Variants in DOCK4 observed in about 807,000 individuals in gnomAD.
The protein encoded by DOCK4 is dedicator of cytokinesis 4, also known as dedicator of cytokinesis protein 4.
A neutral mutation model predicts 268.1 loss-of-function variants in DOCK4; 97 were observed. That is an observed-to-expected ratio of 0.36 (90% CI 0.31 to 0.43). The LOEUF (loss-of-function observed/expected upper bound fraction) is 0.43, where lower values mean the gene tolerates loss of function less well. DOCK4 is among the 20% of genes least tolerant of loss of function. The probability of loss-of-function intolerance (pLI) is 1.00; values close to 1 mark genes in which losing one functional copy is unlikely to be tolerated. For synonymous variants in DOCK4, 954 were observed against 887.2 expected, an observed-to-expected ratio of 1.08 and a Z score of -1.34; for missense variants, 2,145 against 2,455.7, an observed-to-expected ratio of 0.87 and a Z score of 2.67.
intron 1 of DOCK4, among the ~76,000 whole-genome samples, chr7:112,150,031 A>G (rs1202491984): frequency 6.6e-6 from 1 of 152,220 alleles, no homozygotes; most frequent in East Asian, 1.9e-4. Context: ...CACTTTGTGG[A>G]AAGTCTTATT....
At chr7:111,914,128 C>G (rs1562879953) in intron 13 of DOCK4, among the ~76,000 whole-genome samples, 1 of 152,240 alleles carries the variant, frequency 6.6e-6, no homozygotes, top group East Asian at 1.9e-4. Flanking sequence ...GCTCTCCATG[C>G]TGCATTCTCC....
At chr7:112,164,083 G>A (rs1239436110) in intron 1 of DOCK4, among the ~76,000 whole-genome samples, 2 of 152,098 alleles carry the variant, frequency 1.3e-5, no homozygotes, top group African/African-American at 4.8e-5. Flanking sequence ...AGGAGTTCAA[G>A]ACCAGCCTGG....
chr7:112,131,819 T>C (rs1283894846), intron 1 of DOCK4, among the ~76,000 whole-genome samples: 3 of 151,946 alleles, frequency 2.0e-5, no homozygotes, highest in Non-Finnish European at 4.4e-5. Context: ...AAGCACAAAG[T>C]GGGGTTGTAA....
At chr7:111,933,445 C>A (rs1794438013) in intron 12 of DOCK4, among the ~76,000 whole-genome samples, 1 of 151,364 alleles carries the variant, frequency 6.6e-6, no homozygotes, top group African/African-American at 2.4e-5. Context: ...CAGGCACGCG[C>A]CACCAGGCCC....
chr7:112,055,440 G>A (rs1805726531), intron 1 of DOCK4, among the ~76,000 whole-genome samples: 1 of 152,062 alleles, frequency 6.6e-6, no homozygotes, highest in African/African-American at 2.4e-5. Context: ...GAAAGAAAGG[G>A]GAATACCTGG....
At chr7:111,828,970 C>T (rs1324936303) in intron 26 of DOCK4, among the ~76,000 whole-genome samples, 1 of 151,190 alleles carries the variant, frequency 6.6e-6, no homozygotes, top group African/African-American at 2.4e-5. Context: ...CAGCAGCTAC[C>T]TCTGGGGATT....
At chr7:112,015,447 A>G (rs1231890238) in intron 1 of DOCK4, among the ~76,000 whole-genome samples, 1 of 152,162 alleles carries the variant, frequency 6.6e-6, no homozygotes, top group South Asian at 2.1e-4. Flanking sequence ...TCTATGGAGT[A>G]GCCATTCTTT....
At chr7:112,171,793 A>T (rs1818107598) in intron 1 of DOCK4, among the ~76,000 whole-genome samples, 1 of 152,218 alleles carries the variant, frequency 6.6e-6, no homozygotes, top group East Asian at 1.9e-4. Flanking sequence ...GCCATAACAA[A>T]ATACCAGACT....
At chr7:112,137,730 G>A (rs1284747745) in intron 1 of DOCK4, among the ~76,000 whole-genome samples, 1 of 152,138 alleles carries the variant, frequency 6.6e-6, no homozygotes, top group African/African-American at 2.4e-5. Context: ...GTCCTCAAAA[G>A]TAGAGATACC....
intron 10 of DOCK4, 61 bp from the exon 11 acceptor site, chr7:111,940,303 A>G: frequency 6.2e-7 from 1 of 1,606,172 alleles, no homozygotes; most frequent in South Asian, 1.1e-5. Context: ...CATCTTAGGT[A>G]GCGAAACATA....
At chr7:111,795,919 T>A (rs1006401463) in intron 30 of DOCK4, among the ~76,000 whole-genome samples, 5 of 152,178 alleles carry the variant, frequency 3.3e-5, no homozygotes, top group East Asian at 1.9e-4. Flanking sequence ...GGGCTTTGTA[T>A]CAACTTCTCA....
chr7:111,930,377 C>T (rs1271274317), intron 12 of DOCK4, among the ~76,000 whole-genome samples: 20 of 152,054 alleles, frequency 1.3e-4, no homozygotes, highest in Admixed American at 1.3e-3. Context: ...ATCTATTAAC[C>T]AGACAAGATT....
intron 1 of DOCK4, among the ~76,000 whole-genome samples, chr7:112,148,736 G>A (rs1586922973): frequency 1.3e-5 from 2 of 152,180 alleles, no homozygotes; most frequent in Admixed American, 1.3e-4. Flanking sequence ...CTAGCGATGG[G>A]CTTTTTGGTT....
chr7:111,950,826 T>C (rs974802201), intron 8 of DOCK4, among the ~76,000 whole-genome samples: 3 of 152,218 alleles, frequency 2.0e-5, no homozygotes, highest in African/African-American at 7.2e-5. Context: ...TTTATATCTT[T>C]ATTATATTCA....
intron 16 of DOCK4, among the ~76,000 whole-genome samples, chr7:111,892,254 G>A (rs991368759): frequency 2.6e-5 from 4 of 152,196 alleles, no homozygotes; most frequent in African/African-American, 9.7e-5. Flanking sequence ...AGGATGGAGT[G>A]CAATGGCATG....
chr7:112,137,222 G>C (rs1278411336), intron 1 of DOCK4, among the ~76,000 whole-genome samples: 1 of 152,072 alleles, frequency 6.6e-6, no homozygotes, highest in East Asian at 1.9e-4. Flanking sequence ...GTTTTGGAAG[G>C]ATTCTAGAAG....
intron 11 of DOCK4, among the ~76,000 whole-genome samples, 185 bp from the exon 12 acceptor site, chr7:111,935,813 C>G (rs1264128658): frequency 6.6e-6 from 1 of 152,168 alleles, no homozygotes; most frequent in Admixed American, 6.6e-5. Context: ...ATGTCCGTAT[C>G]TGGTAATGCC....
At chr7:111,797,431 G>C (rs1799979155) in intron 30 of DOCK4, among the ~76,000 whole-genome samples, 1 of 152,182 alleles carries the variant, frequency 6.6e-6, no homozygotes, top group African/African-American at 2.4e-5. Context: ...TTTAACTCAT[G>C]TATTTCACCT....
intron 35 of DOCK4, among the ~76,000 whole-genome samples, chr7:111,781,481 C>T (rs1171735396): frequency 1.3e-5 from 2 of 152,220 alleles, no homozygotes; most frequent in Non-Finnish European, 2.9e-5. Context: ...GGTCAATGGT[C>T]TGACCCAGTG....
Sources: gnomAD v4.1 joint callset for allele counts (sites outside exome capture counted in the v4.1 genomes callset) on GRCh38, gnomAD v4.1.1 for gene constraint, MANE v1.5 for transcripts, NCBI Gene and HGNC (gene_info 2026-07-23, HGNC 2026-07-21) for gene names.